Variants in PARP8 observed in about 807,000 individuals in gnomAD.
The protein encoded by PARP8 is protein mono-ADP-ribosyltransferase PARP8.
A neutral mutation model predicts 124.1 loss-of-function variants in PARP8; 51 were observed. The observed-to-expected ratio is 0.41, with a 90% CI of 0.33 to 0.52. PARP8 has a LOEUF of 0.52. Ranked by LOEUF, PARP8 falls within the 20% of genes least tolerant of loss-of-function variation. The probability of loss-of-function intolerance (pLI) is 0.21; values close to 1 mark genes in which losing one functional copy is unlikely to be tolerated. For missense variants in PARP8, 860 were observed against 1,018.9 expected, an observed-to-expected ratio of 0.84 and a Z score of 2.12; for synonymous variants, 391 against 361.5, an observed-to-expected ratio of 1.08 and a Z score of -0.93.
intron 2 of PARP8, among the ~76,000 whole-genome samples, chr5:50,716,706 T>A (rs1755355243): frequency 6.6e-6 from 1 of 152,094 alleles, no homozygotes; most frequent in African/African-American, 2.4e-5. Context: ...TTCTTTAACA[T>A]GGTTTAATAC....
At chr5:50,687,534 A>G (rs1752003716) in intron 2 of PARP8, among the ~76,000 whole-genome samples, 1 of 152,008 alleles carries the variant, frequency 6.6e-6, no homozygotes, top group East Asian at 1.9e-4. Context: ...CCCACTCTCT[A>G]CTGGTGCCAA....
intron 2 of PARP8, among the ~76,000 whole-genome samples, chr5:50,747,833 C>T (rs1449252848): frequency 1.6e-5 from 2 of 124,264 alleles, no homozygotes; most frequent in Non-Finnish European, 3.2e-5. Context: ...AGTGCAGTGG[C>T]GCGATCTCGG....
intron 7 of PARP8, among the ~76,000 whole-genome samples, chr5:50,777,125 G>C (rs1024824207): frequency 1.3e-5 from 2 of 152,170 alleles, no homozygotes; most frequent in Admixed American, 6.5e-5. Flanking sequence ...TCAAGTCTCA[G>C]CTCTGCTATA....
intron 6 of PARP8, among the ~76,000 whole-genome samples, chr5:50,762,241 A>G (rs1365898434): frequency 6.6e-6 from 1 of 152,122 alleles, no homozygotes; most frequent in Non-Finnish European, 1.5e-5. Context: ...ATAAAAGTGT[A>G]TATTGTTAGT....
At chr5:50,761,523 A>G (rs1295959627) in intron 5 of PARP8, among the ~76,000 whole-genome samples, 6 of 152,066 alleles carry the variant, frequency 3.9e-5, no homozygotes, top group African/African-American at 1.4e-4. Context: ...ATGTTTTATC[A>G]GAGCAAAACT....
chr5:50,721,064 G>T (rs1417218473), intron 2 of PARP8, among the ~76,000 whole-genome samples: 2 of 151,344 alleles, frequency 1.3e-5, no homozygotes, highest in Non-Finnish European at 2.9e-5. Flanking sequence ...GTCATCTAAT[G>T]ATCCAATTAA....
chr5:50,842,963 C>T lies in PARP8; in HGVS notation c.*895C>T, dbSNP rs1038717070. 6.6e-6 allele frequency: 1 copy of T among 151,550 alleles called. No individual in the cohort carries two copies. The highest frequency in any genetic ancestry group is 2.4e-5 in the African/African-American group (1 of 41,350). The allele number at this position is 151,550 out of a possible 1,614,324, so 9.4% of individuals were successfully genotyped here. A position where few individuals can be genotyped will look rare whatever the true frequency, so the allele number is the denominator to read the frequency against. ...GATTATGTATTTAAAAGAAAGACCTCAGAATTTAAAGAAACCATATATATT... is the reference window on the plus strand; with the variant it reads ...GATTATGTATTTAAAAGAAAGACCTTAGAATTTAAAGAAACCATATATATT... On this transcript the variant is annotated 3_prime_UTR_variant, in exon 26 of 26. Transcript: ENST00000281631.
intron 2 of PARP8, among the ~76,000 whole-genome samples, chr5:50,673,059 C>T (rs1262752160): frequency 1.3e-5 from 2 of 152,132 alleles, no homozygotes; most frequent in South Asian, 4.1e-4. Flanking sequence ...GGCAATGGGA[C>T]TTTCTCACCA....
At chr5:50,755,755 T>C (rs922166217) in intron 3 of PARP8, among the ~76,000 whole-genome samples, 2 of 152,224 alleles carry the variant, frequency 1.3e-5, no homozygotes, top group Non-Finnish European at 2.9e-5. Context: ...GCATTCAATC[T>C]ATAAATTACC....
intron 10 of PARP8, among the ~76,000 whole-genome samples, chr5:50,791,446 A>G (rs921009152): frequency 1.3e-5 from 2 of 152,178 alleles, no homozygotes; most frequent in African/African-American, 4.8e-5. Flanking sequence ...CAACGCATAA[A>G]CTAATCTGCC....
chr5:50,834,817 A>G (rs761782883), intron 24 of PARP8, 114 bp from the exon 25 acceptor site: 37 of 851,466 alleles, frequency 4.3e-5, no homozygotes, highest in Non-Finnish European at 7.0e-5. Flanking sequence ...TTATGTGTTC[A>G]TTAGTGCTTG....
At chr5:50,749,566 TA>T (rs1561324304) in intron 2 of PARP8, among the ~76,000 whole-genome samples, 2 of 152,116 alleles carry the variant, frequency 1.3e-5, no homozygotes, top group Non-Finnish European at 2.9e-5. Flanking sequence ...ATTTAAAAAT[TA>T]TTTTGAAACA....
intron 2 of PARP8, among the ~76,000 whole-genome samples, chr5:50,670,123 A>G (rs1283462863): frequency 3.3e-5 from 5 of 152,242 alleles, no homozygotes; most frequent in African/African-American, 1.2e-4. Context: ...ATAAACCAAT[A>G]TTTATTAATC....
At chr5:50,761,349 CAT>C (rs1301907424) in intron 5 of PARP8, among the ~76,000 whole-genome samples, 9 of 152,118 alleles carry the variant, frequency 5.9e-5, no homozygotes, top group South Asian at 2.1e-4. Context: ...CAAAAGTTCT[CAT>C]ATGTTTCATA....
intron 2 of PARP8, among the ~76,000 whole-genome samples, chr5:50,742,705 A>C (rs1443705555): frequency 1.3e-5 from 2 of 152,220 alleles, no homozygotes; most frequent in Non-Finnish European, 2.9e-5. Context: ...AGTTGTTAAT[A>C]GATAATATTG....
chr5:50,824,216 A>G (rs1262794935), intron 17 of PARP8, among the ~76,000 whole-genome samples: 2 of 152,198 alleles, frequency 1.3e-5, no homozygotes, highest in Non-Finnish European at 1.5e-5. Flanking sequence ...AGATATGAGC[A>G]TTAGTAGTGG....
chr5:50,788,509 T>G lies in PARP8; in HGVS notation c.671-14T>G. ...TCAAGTCAATATGTGACTGTGATCC[T>G]TTTTCCTTTCCAGTGCCCACTGTTG... On this transcript the variant is annotated splice_polypyrimidine_tract_variant and intron_variant, in intron 9 of 25. Coordinates refer to ENST00000281631, the MANE Select transcript of PARP8 (RefSeq NM_024615.4). 1.2e-6 allele frequency: 2 copies of G among 1,608,284 alleles called. No individual in the cohort carries two copies. Among genetic ancestry groups the G allele is most frequent in the Non-Finnish European group, 1.7e-6 (2 of 1,175,520 alleles).
In PARP8 at chr5:50,693,564, A is replaced by G. The variant is rs1298308779; in HGVS notation, c.146+25439A>G. The stretch of plus-strand genomic sequence containing the variant: ...TTATGCATACTTGTTATGACAATGC[A>G]GAAGGATATAAAGAAAGTAAAACTG... On this transcript the variant is annotated intron_variant, in intron 2 of 25. Coordinates refer to ENST00000281631, the MANE Select transcript of PARP8 (RefSeq NM_024615.4). Among the ~76,000 whole-genome samples, 3 of 151,420 alleles carry G rather than the reference A, an allele frequency of 2.0e-5. No individual in the cohort carries two copies. In the Admixed American group the frequency reaches 2.0e-4, roughly 10 times the overall value.
chr5:50,788,665 A>G, intron 10 of PARP8, 76 bp downstream of exon 10: 1 of 1,259,066 alleles, frequency 7.9e-7, no homozygotes, highest in Non-Finnish European at 1.1e-6. Flanking sequence ...TAAAACAAAC[A>G]AACAAAAACC....
Sources: allele counts gnomAD v4.1 joint callset (sites outside exome capture counted in the v4.1 genomes callset), GRCh38; gene constraint gnomAD v4.1.1; transcripts MANE v1.5; gene names NCBI Gene and HGNC (gene_info 2026-07-23, HGNC 2026-07-21).